The following LARGE1 variants were observed in gnomAD, a reference collection of about 807,000 sequenced individuals.
LARGE1 encodes the protein LARGE xylosyl- and glucuronyltransferase 1.
Under a neutral mutation model 87.6 loss-of-function variants are expected in LARGE1, and 43 were observed. The ratio of observed to expected loss-of-function variants is 0.49; its 90% CI spans 0.38 to 0.63. The LOEUF (loss-of-function observed/expected upper bound fraction) is 0.63, where lower values mean the gene tolerates loss of function less well. LARGE1 is among the 30% of genes least tolerant of loss of function. The pLI, the probability that LARGE1 is intolerant of heterozygous loss-of-function variation, is 0.00. For synonymous variants in LARGE1, 434 were observed against 394.6 expected (o/e 1.10, Z -1.18); for missense variants, 802 against 1,000.2 (o/e 0.80, Z 2.67).
At chr22:33,666,635 CAGG>C (rs2081274656) in intron 2 of LARGE1, among the ~76,000 whole-genome samples, 1 of 152,170 alleles carries the variant, frequency 6.6e-6, no homozygotes, top group Admixed American at 6.5e-5. Context: ...TCAGGTCAGA[CAGG>C]AGAAGTGACA....
At chr22:33,656,058 A>AGAGTGTGTGT (rs2080950313) in intron 2 of LARGE1, among the ~76,000 whole-genome samples, 1 of 150,378 alleles carries the variant, frequency 6.6e-6, no homozygotes, top group Admixed American at 6.6e-5. Context: ...CATAAGCATG[A>AGAGTGTGTGT]GTGTGTGTGT....
chr22:33,902,851 G>T (rs758991453), intron 1 of LARGE1, among the ~76,000 whole-genome samples: 13 of 152,204 alleles, frequency 8.5e-5, no homozygotes, highest in Non-Finnish European at 1.3e-4. Flanking sequence ...GGTGATTAAG[G>T]CTGGGCGCAG....
chr22:33,471,485 G>A (rs922591873), intron 6 of LARGE1, among the ~76,000 whole-genome samples: 1 of 152,076 alleles, frequency 6.6e-6, no homozygotes, highest in Non-Finnish European at 1.5e-5. Context: ...TTCCGATGTG[G>A]CTCTTCACTA....
intron 7 of LARGE1, among the ~76,000 whole-genome samples, chr22:33,393,795 A>T (rs992178572): frequency 1.3e-5 from 2 of 152,224 alleles, no homozygotes; most frequent in African/African-American, 4.8e-5. Flanking sequence ...GCTGGCTGGG[A>T]TGCATGTGAC....
upstream of LARGE1, among the ~76,000 whole-genome samples, chr22:33,921,326 C>G (rs1238128449): frequency 6.6e-6 from 1 of 152,212 alleles, no homozygotes; most frequent in Non-Finnish European, 1.5e-5. This position sits in a 1 kb window ranked among gnomAD's most constrained non-coding sequence, Gnocchi z 4.1. Flanking sequence ...CTTCCCCCAA[C>G]CCCGGCGGCT....
chr22:33,218,160 C>A (rs567637816), intron 11 of LARGE1, among the ~76,000 whole-genome samples: 19 of 152,078 alleles, frequency 1.2e-4, no homozygotes, highest in Non-Finnish European at 2.5e-4. Flanking sequence ...GAAGTCCTAA[C>A]CTCAGGAGAT....
chr22:33,461,673 GA>G (rs1192907802), intron 6 of LARGE1, among the ~76,000 whole-genome samples: 13 of 134,818 alleles, frequency 9.6e-5, no homozygotes, highest in Non-Finnish European at 1.3e-4. Flanking sequence ...AAAGAAAAAA[GA>G]AAAAAAAAGA....
chr22:33,674,614 C>A (rs1337920046), intron 2 of LARGE1, among the ~76,000 whole-genome samples: 2 of 152,208 alleles, frequency 1.3e-5, no homozygotes, highest in Non-Finnish European at 2.9e-5. Flanking sequence ...ACTGTCTCAT[C>A]CATCTCTCCC....
chr22:33,726,107 T>C (rs570446582), intron 2 of LARGE1: 1 of 151,570 alleles, frequency 6.6e-6, no homozygotes, highest in East Asian at 1.9e-4. Context: ...TTTTTTTTTT[T>C]TTTTCCAGTT....
At chr22:33,152,640 T>A in the LARGE1 span, among the ~76,000 whole-genome samples, 1 of 152,182 alleles carries the variant, frequency 6.6e-6, no homozygotes, top group Non-Finnish European at 1.5e-5. Flanking sequence ...ATTTATGGGG[T>A]ACATGAGATA....
At chr22:33,909,932 C>T (rs1040595919) in intron 1 of LARGE1, among the ~76,000 whole-genome samples, 1 of 152,164 alleles carries the variant, frequency 6.6e-6, no homozygotes, top group African/African-American at 2.4e-5. Flanking sequence ...GCCAAACTAC[C>T]CTCCCTTAAT....
chr22:33,188,020 C>T (rs2146184284), intron 11 of LARGE1, among the ~76,000 whole-genome samples: 1 of 140,390 alleles, frequency 7.1e-6, no homozygotes, highest in East Asian at 2.4e-4. Flanking sequence ...GCGGTAATGT[C>T]TATATTAATT....
intron 1 of LARGE1, among the ~76,000 whole-genome samples, chr22:33,845,367 G>A (rs998043666): frequency 5.3e-5 from 8 of 152,104 alleles, no homozygotes; most frequent in Non-Finnish European, 1.2e-4. Flanking sequence ...GGAGTGTAAT[G>A]GCACGATCTC....
intron 9 of LARGE1, among the ~76,000 whole-genome samples, chr22:33,351,954 G>T (rs1211160851): frequency 6.6e-6 from 1 of 151,974 alleles, no homozygotes; most frequent in Non-Finnish European, 1.5e-5. Context: ...GGCCAAGATG[G>T]TCTAGATCTC....
chr22:33,920,006 C>G lies in LARGE1; in HGVS notation c.-94G>C, dbSNP rs1012170976. 6.6e-6 allele frequency: 1 copy of G among 152,306 alleles called. No homozygotes were observed. The highest frequency in any genetic ancestry group is 1.5e-5 in the Non-Finnish European group (1 of 68,118). 9.4% of individuals were successfully genotyped at this position (152,306 alleles called of 1,614,324 possible). On this transcript the variant is annotated 5_prime_UTR_variant, in exon 1 of 15. Coordinates refer to ENST00000397394, the MANE Select transcript of LARGE1 (RefSeq NM_133642.5). Reference sequence around the variant, plus strand: ...TCCGGGGCTCTTACCTTGGCCGTGACTGCCGCCAGGCAGAGGGAGACACGG... The same window carrying G: ...TCCGGGGCTCTTACCTTGGCCGTGAGTGCCGCCAGGCAGAGGGAGACACGG...
chr22:33,155,179 G>A, the LARGE1 span, among the ~76,000 whole-genome samples: 3 of 152,196 alleles, frequency 2.0e-5, no homozygotes, highest in African/African-American at 7.2e-5. Context: ...AGAGTGGGGT[G>A]CTGCTGAAAA....
chr22:33,524,279 A>T (rs2071762668), intron 6 of LARGE1, among the ~76,000 whole-genome samples: 1 of 108,618 alleles, frequency 9.2e-6, no homozygotes. Flanking sequence ...CAACAGAGTG[A>T]GACTCCCCTC....
At chr22:33,888,899 C>T (rs1158432770) in intron 1 of LARGE1, among the ~76,000 whole-genome samples, 2 of 152,118 alleles carry the variant, frequency 1.3e-5, no homozygotes, top group African/African-American at 2.4e-5. Context: ...ACAACACTCA[C>T]GAGTTTTGTA....
Position 33,774,345 on chromosome 22 carries a change from CT to C in LARGE1, c.-82-12788del, listed in dbSNP as rs886360908. Among the ~76,000 whole-genome samples the C allele has an allele frequency of 1.9e-4, 29 of 151,640 alleles. No individual in the cohort carries two copies. The East Asian group carries it at 5.2e-3, about 27-fold the overall frequency. On this transcript the variant is annotated intron_variant, in intron 1 of 14. Coordinates refer to ENST00000397394, the MANE Select transcript of LARGE1 (RefSeq NM_133642.5). ...GTTAAAAAAAATAGGAGACGTTAAT[CT>C]TTTTTTTTCTTTCTTTCTTTCTTTT...
Sources: allele counts gnomAD v4.1 joint callset (sites outside exome capture counted in the v4.1 genomes callset), GRCh38; gene constraint gnomAD v4.1.1; non-coding constraint Gnocchi (gnomAD v3.1); transcripts MANE v1.5; gene names NCBI Gene and HGNC (gene_info 2026-07-23, HGNC 2026-07-21).